Variants in SNPH observed in about 807,000 individuals in gnomAD.
SNPH encodes syntaphilin.
A neutral mutation model predicts 36.8 loss-of-function variants in SNPH; 10 were observed. The ratio of observed to expected loss-of-function variants is 0.27; its 90% CI spans 0.17 to 0.46. The LOEUF is 0.46. Among genes scored for constraint, SNPH ranks in the 20% least tolerant of loss-of-function variants. The pLI is 1.00. For synonymous variants in SNPH, 281 were observed against 312.2 expected (o/e 0.90, Z 1.05); for missense variants, 622 against 744.0 (o/e 0.84, Z 1.91).
Position 1,300,667 on chromosome 20 carries a change from C to T in SNPH, c.396C>T (p.His132=), listed in dbSNP as rs144799518. 2.8e-4 allele frequency: 456 copies of T among 1,612,642 alleles called. 1 individual carries two copies. The highest frequency in any genetic ancestry group is 5.0e-4 in the Admixed American group (30 of 59,998). The change falls in exon 6 of 7, where the codon CAC becomes CAT. Residue 132 remains histidine, a synonymous_variant. Transcript: ENST00000381867. The stretch of plus-strand genomic sequence containing the variant: ...AGCAGAAGGAGGTGTGCATCCGGCA[C>T]CTGAAAGCCCGGCTGAAGGACACAC... ...PLQQKEVCIR[H]LKARLKDTQD...
At chr20:1,297,806 C>A (rs985541950) in intron 5 of SNPH, among the ~76,000 whole-genome samples, 5 of 152,298 alleles carry the variant, frequency 3.3e-5, no homozygotes, top group African/African-American at 1.2e-4. Flanking sequence ...CAGTACCACC[C>A]CAGACAAAAT....
In SNPH at chr20:1,304,852, CGT is replaced by C. The variant is rs756558469; in HGVS notation, c.441-17_441-16del. ...ACAGACCAGGCAGGCAGGCAGTGAG[CGT>C]GTGTGTGTCTCCTCGGCTCGCAGGG... On this transcript the variant is annotated intron_variant, in intron 6 of 6. Coordinates refer to ENST00000381867, the MANE Select transcript of SNPH (RefSeq NM_001318234.2). This position sits in a 1 kb window ranked among gnomAD's most constrained non-coding sequence, Gnocchi z 4.3. The C allele has an allele frequency of 4.4e-6, 7 of 1,598,832 alleles. No homozygotes were observed. The highest frequency in any genetic ancestry group is 6.0e-6 in the Non-Finnish European group (7 of 1,170,552).
chr20:1,281,261 C>A (rs1372007661), intron 2 of SNPH, among the ~76,000 whole-genome samples: 2 of 152,186 alleles, frequency 1.3e-5, no homozygotes, highest in Non-Finnish European at 2.9e-5. Context: ...CTCATTTTAA[C>A]CTCTATAGCC....
rs1009966897 is a variant in SNPH at position 1,308,152 on chromosome 20, G to A, written c.*2098G>A. ...CCTTCCTATTGTGTCTTGTGTTTTG[G>A]TGGATGTGACAGGGCTGGGGCCACA... On this transcript the variant is annotated 3_prime_UTR_variant, in exon 7 of 7. Transcript: ENST00000381867. The A allele has an allele frequency of 6.5e-6, 1 of 152,764 alleles. No individual in the cohort carries two copies. The highest frequency in any genetic ancestry group is 1.5e-5 in the Non-Finnish European group (1 of 68,340). The allele number at this position is 152,764 out of a possible 1,614,324, so 9.5% of individuals were successfully genotyped here. A position where few individuals can be genotyped will look rare whatever the true frequency, so the allele number is the denominator to read the frequency against.
chr20:1,280,007 C>G (rs1205764946), intron 2 of SNPH, among the ~76,000 whole-genome samples: 2 of 152,146 alleles, frequency 1.3e-5, no homozygotes, highest in Non-Finnish European at 2.9e-5. Flanking sequence ...CATCAAAAGG[C>G]CTTTTGGAGG....
intron 2 of SNPH, among the ~76,000 whole-genome samples, chr20:1,269,742 C>A (rs1056118622): frequency 2.6e-5 from 4 of 152,180 alleles, no homozygotes; most frequent in African/African-American, 9.7e-5. Flanking sequence ...TGCCCCTTTA[C>A]CGAGGATAAT....
chr20:1,289,161 C>T (rs776279695), intron 2 of SNPH, among the ~76,000 whole-genome samples: 1 of 152,164 alleles, frequency 6.6e-6, no homozygotes, highest in Non-Finnish European at 1.5e-5. Context: ...TGCCCATGAC[C>T]TGGAAATCCA....
intron 2 of SNPH, among the ~76,000 whole-genome samples, chr20:1,288,638 T>TA (rs1303823759): frequency 6.6e-6 from 1 of 151,154 alleles, no homozygotes; most frequent in Non-Finnish European, 1.5e-5. Flanking sequence ...TTTTTTTTTT[T>TA]GAGATGGAGT....
Position 1,296,156 on chromosome 20 carries a change from C to G in SNPH, c.-84C>G, listed in dbSNP as rs1001638837. 1.7e-6 allele frequency: 2 copies of G among 1,194,618 alleles called. No homozygotes were observed. The highest frequency in any genetic ancestry group is 1.1e-6 in the Non-Finnish European group (1 of 877,762). The allele number at this position is 1,194,618 out of a possible 1,614,324, so 74.0% of individuals were successfully genotyped here. A position where few individuals can be genotyped will look rare whatever the true frequency, so the allele number is the denominator to read the frequency against. The stretch of plus-strand genomic sequence containing the variant: ...GGTGGTGGGAACCTGTGCACCAGCC[C>G]TATTCAATTCACTGGTGGAGGCAGC... On this transcript the variant is annotated 5_prime_UTR_variant, in exon 4 of 7. Coordinates refer to ENST00000381867, the MANE Select transcript of SNPH (RefSeq NM_001318234.2).
intron 2 of SNPH, among the ~76,000 whole-genome samples, chr20:1,277,439 CTG>C (rs1225534220): frequency 2.7e-5 from 4 of 148,284 alleles, no homozygotes; most frequent in South Asian, 2.2e-4. Context: ...GTATGTGTGC[CTG>C]TGTGTGTGTC....
intron 2 of SNPH, among the ~76,000 whole-genome samples, chr20:1,281,855 C>T (rs2088228128): frequency 6.6e-6 from 1 of 152,220 alleles, no homozygotes; most frequent in South Asian, 2.1e-4. Context: ...ATAGGAAATG[C>T]TGTAATTAGA....
At chr20:1,303,413 C>G (rs2088527416) in intron 6 of SNPH, among the ~76,000 whole-genome samples, 1 of 152,230 alleles carries the variant, frequency 6.6e-6, no homozygotes, top group Non-Finnish European at 1.5e-5. Flanking sequence ...ATGCCCAGTT[C>G]CTTCTTTCAA....
chr20:1,267,322 G>T (rs1184121299), intron 2 of SNPH, among the ~76,000 whole-genome samples: 1 of 152,200 alleles, frequency 6.6e-6, no homozygotes, highest in Non-Finnish European at 1.5e-5. Context: ...CCCCAGCCGG[G>T]ATCTGGGCTG....
chr20:1,300,722 G>A lies in SNPH; in HGVS notation c.440+11G>A. On this transcript the variant is annotated intron_variant, in intron 6 of 6. Transcript: ENST00000381867. ...CCGGCTCCAGGACCGGTGAGCGGGT[G>A]GCCACGAGCAGCCCTGGGGGTACCC... is the stretch of plus-strand genomic sequence containing the variant. The A allele has an allele frequency of 1.2e-6, 2 of 1,607,164 alleles. No homozygotes were observed. The highest frequency in any genetic ancestry group is 1.7e-6 in the Non-Finnish European group (2 of 1,177,710).
chr20:1,286,643 G>A (rs1040307077), intron 2 of SNPH, among the ~76,000 whole-genome samples: 5 of 152,184 alleles, frequency 3.3e-5, no homozygotes, highest in South Asian at 2.1e-4. Context: ...CCTTTGGCAA[G>A]TCTTCACTTT....
intron 2 of SNPH, among the ~76,000 whole-genome samples, chr20:1,292,621 GC>G (rs1469128009): frequency 6.6e-6 from 1 of 152,088 alleles, no homozygotes; most frequent in Non-Finnish European, 1.5e-5. Context: ...ATATGATTGT[GC>G]CCCTTTCCTA....
chr20:1,273,903 G>A (rs898341718), intron 2 of SNPH, among the ~76,000 whole-genome samples: 5 of 152,256 alleles, frequency 3.3e-5, no homozygotes, highest in East Asian at 3.9e-4. Context: ...GTTACACAGC[G>A]GCTGTGTAGC....
intron 5 of SNPH, among the ~76,000 whole-genome samples, chr20:1,297,853 G>A (rs760454078): frequency 5.9e-5 from 9 of 152,218 alleles, no homozygotes; most frequent in Non-Finnish European, 1.3e-4. Flanking sequence ...ATGAGTATTG[G>A]GAAGCAGCCT....
chr20:1,266,896 A>C lies in SNPH; in HGVS notation c.-493+136A>C. On this transcript the variant is annotated intron_variant, in intron 2 of 6. Coordinates refer to ENST00000381867, the MANE Select transcript of SNPH (RefSeq NM_001318234.2). This position sits in a 1 kb window ranked among gnomAD's most constrained non-coding sequence, Gnocchi z 6.0. Reference sequence around the variant, plus strand: ...GAGGGGTTAATCGTGACTCATTCTTACCCTCCCTTCATTCCCCTACATCCC... The same window carrying C: ...GAGGGGTTAATCGTGACTCATTCTTCCCCTCCCTTCATTCCCCTACATCCC... 1 of 1,192,828 alleles carries C rather than the reference A, an allele frequency of 8.4e-7. No individual in the cohort carries two copies. Among genetic ancestry groups the C allele is most frequent in the South Asian group, 3.5e-5 (1 of 28,680 alleles). The allele number at this position is 1,192,828 out of a possible 1,614,324, so 73.9% of individuals were successfully genotyped here.
Sources: gnomAD v4.1 joint callset for allele counts (sites outside exome capture counted in the v4.1 genomes callset) on GRCh38, gnomAD v4.1.1 for gene constraint, Gnocchi (gnomAD v3.1) non-coding constraint, MANE v1.5 for transcripts, NCBI Gene and HGNC (gene_info 2026-07-23, HGNC 2026-07-21) for gene names.